TAS2R1: variants seen among roughly 807,000 people sequenced by gnomAD.
The protein encoded by TAS2R1 is taste 2 receptor member 1.
For synonymous variants in TAS2R1, 141 were observed against 134.2 expected, an observed-to-expected ratio of 1.05 and a Z score of -0.35; for missense variants, 370 against 353.4, an observed-to-expected ratio of 1.05 and a Z score of -0.38.
At chr5:9,846,466 T>C in the TAS2R1 span, among the ~76,000 whole-genome samples, 3,407 of 152,296 alleles carry the variant, frequency 0.022, 55 homozygotes, top group Non-Finnish European at 0.034. Flanking sequence ...TGCATTTGTC[T>C]TAGAACACAC....
At chr5:9,901,800 C>T in the TAS2R1 span, among the ~76,000 whole-genome samples, 1 of 152,126 alleles carries the variant, frequency 6.6e-6, no homozygotes, top group African/African-American at 2.4e-5. Flanking sequence ...AAAGAAAGCA[C>T]ACCTATGCTA....
chr5:9,847,658 T>G, the TAS2R1 span, among the ~76,000 whole-genome samples: 3 of 152,220 alleles, frequency 2.0e-5, no homozygotes, highest in Admixed American at 2.0e-4. Context: ...CAGCTGGAGT[T>G]GGTGCCACCT....
rs1395841891 is a variant in TAS2R1, at chr5:9,628,001, G to T, written c.*1132C>A. 5.3e-5 allele frequency among the ~76,000 whole-genome samples: 8 copies of T among 152,110 alleles called. No individual in the cohort carries two copies. On this transcript the variant is annotated 3_prime_UTR_variant, in exon 1 of 1. Transcript: ENST00000382492. ...AAAAATCTAAACCTAAACCTGCTTT[G>T]CATCATCACGCCTGAACTACAAGTT...
chr5:9,658,932 C>T (rs1056260266), intron 2 of TAS2R1: 1 of 152,216 alleles, frequency 6.6e-6, no homozygotes, highest in African/African-American at 2.4e-5. Context: ...ATGACTATAG[C>T]ATTCCACAAA....
chr5:9,665,140 G>A (rs1179317914), intron 1 of TAS2R1, among the ~76,000 whole-genome samples: 2 of 152,134 alleles, frequency 1.3e-5, no homozygotes, highest in African/African-American at 4.8e-5. Flanking sequence ...CTTGTTGTTG[G>A]CAGAATTCAA....
At position 9,627,364 on chromosome 5, in the gene TAS2R1, T is replaced by C. The variant is rs999057679; in HGVS notation, c.*1769A>G. 6.7e-6 allele frequency among the ~76,000 whole-genome samples: 1 copy of C among 150,236 alleles called. No individual in the cohort carries two copies. Among genetic ancestry groups the C allele is most frequent in the Non-Finnish European group, 1.5e-5 (1 of 68,032 alleles). On this transcript the variant is annotated 3_prime_UTR_variant, in exon 1 of 1. Coordinates refer to ENST00000382492, the MANE Select transcript of TAS2R1 (RefSeq NM_019599.3). ...CTATGAAAATGTTTTTAGAATTGTT[T>C]TATTATGAATTCTTTTTTTAAACAT...
chr5:9,827,806 A>T, the TAS2R1 span, among the ~76,000 whole-genome samples: 42 of 152,252 alleles, frequency 2.8e-4, no homozygotes, highest in African/African-American at 9.6e-4. Flanking sequence ...ATAAAATACA[A>T]ATTAAGTATC....
At chr5:9,889,803 A>G in the TAS2R1 span, 2 of 152,220 alleles carry the variant, frequency 1.3e-5, no homozygotes, top group African/African-American at 4.8e-5. Flanking sequence ...ACCCAGGCTG[A>G]CGAAGCAAGA....
At chr5:9,779,545 G>A in the TAS2R1 span, among the ~76,000 whole-genome samples, 1 of 152,146 alleles carries the variant, frequency 6.6e-6, no homozygotes, top group Non-Finnish European at 1.5e-5. Flanking sequence ...CATGTAATAG[G>A]GAGGCAAGAG....
At chr5:9,830,567 T>C in the TAS2R1 span, among the ~76,000 whole-genome samples, 4,179 of 150,628 alleles carry the variant, frequency 0.028, 201 homozygotes, top group African/African-American at 0.097. Context: ...AGATGATAGA[T>C]GGTTGGTAGG....
chr5:9,879,444 C>A, the TAS2R1 span, among the ~76,000 whole-genome samples: 1 of 152,116 alleles, frequency 6.6e-6, no homozygotes, highest in African/African-American at 2.4e-5. Context: ...TCCAGTTTGC[C>A]CTCTTGGGAT....
At chr5:9,770,564 C>G in the TAS2R1 span, among the ~76,000 whole-genome samples, 1 of 152,024 alleles carries the variant, frequency 6.6e-6, no homozygotes, top group South Asian at 2.1e-4. Context: ...TATCTTTACA[C>G]TTTTTGTGTG....
the TAS2R1 span, among the ~76,000 whole-genome samples, chr5:9,843,810 T>C: frequency 6.6e-6 from 1 of 152,234 alleles, no homozygotes; most frequent in Non-Finnish European, 1.5e-5. Context: ...GTCTTCAACA[T>C]AGTTGCAAGC....
At chr5:9,655,502 T>C (rs1409494077) in intron 2 of TAS2R1, among the ~76,000 whole-genome samples, 1 of 151,930 alleles carries the variant, frequency 6.6e-6, no homozygotes, top group Non-Finnish European at 1.5e-5. Context: ...TGAAAAAACA[T>C]GAAAAACTGA....
chr5:9,681,881 A>G (rs1338343458), intron 1 of TAS2R1, among the ~76,000 whole-genome samples: 3 of 152,196 alleles, frequency 2.0e-5, no homozygotes, highest in African/African-American at 4.8e-5. Context: ...AGATCTCCAG[A>G]TTATTTATAG....
At chr5:9,687,076 T>C (rs1327103628) in intron 1 of TAS2R1, among the ~76,000 whole-genome samples, 1 of 152,214 alleles carries the variant, frequency 6.6e-6, no homozygotes, top group Admixed American at 6.5e-5. Flanking sequence ...GCGATTCTCC[T>C]GCCTCAGCCT....
At chr5:9,680,542 G>T (rs1740972869) in intron 1 of TAS2R1, among the ~76,000 whole-genome samples, 1 of 152,080 alleles carries the variant, frequency 6.6e-6, no homozygotes, top group African/African-American at 2.4e-5. Flanking sequence ...TTGATAAAAT[G>T]AGATTAAAAA....
chr5:9,815,899 C>T, the TAS2R1 span, among the ~76,000 whole-genome samples: 1 of 152,110 alleles, frequency 6.6e-6, no homozygotes, highest in Non-Finnish European at 1.5e-5. Context: ...AGTGGTCACC[C>T]TCTTAGGGTC....
chr5:9,869,734 G>C, the TAS2R1 span, among the ~76,000 whole-genome samples: 1 of 152,276 alleles, frequency 6.6e-6, no homozygotes, highest in Non-Finnish European at 1.5e-5. Context: ...TTTGCACCTG[G>C]TTTCCCCATG....
Sources: allele counts gnomAD v4.1 joint callset (sites outside exome capture counted in the v4.1 genomes callset), GRCh38; gene constraint gnomAD v4.1.1; transcripts MANE v1.5; gene names NCBI Gene and HGNC (gene_info 2026-07-23, HGNC 2026-07-21).